UBR4: variants seen among roughly 807,000 people sequenced by gnomAD.
UBR4 encodes E3 ubiquitin-protein ligase UBR4.
UBR4 carries 124 observed loss-of-function variants against 575.6 expected under a neutral mutation model. The observed-to-expected ratio is 0.22, with a 90% CI of 0.19 to 0.25. UBR4 has a LOEUF of 0.25. UBR4 is among the 10% of genes least tolerant of loss of function. The pLI is 1.00. For missense variants in UBR4, 4,818 were observed against 6,478.8 expected (o/e 0.74, Z 8.80); for synonymous variants, 2,455 against 2,473.7 (o/e 0.99, Z 0.22).
chr1:19,154,898 C>T lies in UBR4; in HGVS notation c.6458+20G>A. The T allele has an allele frequency of 1.2e-6, 2 of 1,613,974 alleles. No homozygotes were observed. The highest frequency in any genetic ancestry group is 1.7e-6 in the Non-Finnish European group (2 of 1,179,874). Reference sequence around the variant, plus strand: ...GAATGTGGACATTGCGGAAGTTGAACATTAAATGTTCATTCCCACCTTTTG... The same window carrying T: ...GAATGTGGACATTGCGGAAGTTGAATATTAAATGTTCATTCCCACCTTTTG... On this transcript the variant is annotated intron_variant, in intron 44 of 105. Transcript: ENST00000375254.
At chr1:19,077,302 G>A (rs961631903) in intron 104 of UBR4, among the ~76,000 whole-genome samples, 2 of 152,236 alleles carry the variant, frequency 1.3e-5, no homozygotes, top group African/African-American at 4.8e-5. Context: ...GCTGGCTGCG[G>A]TAAGTCAGAC....
At chr1:19,120,990 G>C (rs1345864685) in intron 68 of UBR4, among the ~76,000 whole-genome samples, 199 bp downstream of exon 68, 1 of 152,170 alleles carries the variant, frequency 6.6e-6, no homozygotes, top group Non-Finnish European at 1.5e-5. Flanking sequence ...ACTGTCACTT[G>C]GTATGAGAAG....
intron 65 of UBR4, among the ~76,000 whole-genome samples, 158 bp from the exon 66 acceptor site, chr1:19,123,218 G>A (rs939265705): frequency 4.6e-5 from 7 of 152,088 alleles, no homozygotes; most frequent in Admixed American, 1.3e-4. Flanking sequence ...TTGGAATGCC[G>A]AGGTGGGCTG....
At chr1:19,118,263 T>A (rs897869554) in intron 71 of UBR4, 3 of 181,500 alleles carry the variant, frequency 1.7e-5, no homozygotes, top group East Asian at 1.5e-4. Context: ...AAAGTTTTTT[T>A]AAATTTTTTT....
chr1:19,085,137 A>G (rs979584063), intron 101 of UBR4, among the ~76,000 whole-genome samples: 9 of 152,252 alleles, frequency 5.9e-5, no homozygotes, highest in Non-Finnish European at 2.9e-5. Context: ...GTCAATACAC[A>G]TTCCCATCTA....
Position 19,184,188 on chromosome 1 carries a change from C to A in UBR4, c.1939-13G>T, listed in dbSNP as rs1302426529. 2.5e-6 allele frequency: 4 copies of A among 1,610,546 alleles called. No individual in the cohort carries two copies. The highest frequency in any genetic ancestry group is 3.4e-5 in the Admixed American group (2 of 59,084). ...CCAGACCTAAGAACTGAAAGGAACA[C>A]ACACAAAAAAGCTCTTATCAGGGTC... On this transcript the variant is annotated splice_polypyrimidine_tract_variant and intron_variant, in intron 15 of 105. Transcript: ENST00000375254.
Position 19,176,708 on chromosome 1 carries a change from C to T in UBR4, c.2657G>A (p.Ser886Asn). ...LFEQVQHNLL[S>N]PPFGWASGSQ... ...TCCACTTGCCCACCCAAAGGGAGGA[C>T]TTAGCAGGTTATGCTGTACCTTTTA... is the stretch of plus-strand genomic sequence containing the variant. Residue 886 changes from serine (S) to asparagine (N), a missense_variant, in exon 20 of 106, where the codon AGT becomes AAT. By Grantham distance (46) the Ser-to-Asn change is conservative. Around this residue, in one of 29 missense-constraint regions of UBR4, gnomAD observed 1,172 missense variants for 1,259.7 expected, o/e 0.93. Coordinates refer to ENST00000375254, the MANE Select transcript of UBR4 (RefSeq NM_020765.3). The T allele has an allele frequency of 6.2e-7, 1 of 1,614,078 alleles. No individual in the cohort carries two copies. The highest frequency in any genetic ancestry group is 8.5e-7 in the Non-Finnish European group (1 of 1,180,000).
intron 77 of UBR4, 75 bp from the exon 78 acceptor site, chr1:19,112,942 T>C: frequency 6.8e-7 from 1 of 1,477,034 alleles, no homozygotes; most frequent in South Asian, 1.4e-5. Context: ...AAAATTAGTT[T>C]TGCTTTAGAA....
chr1:19,118,036 T>C (rs910434254), intron 71 of UBR4, 126 bp from the exon 72 acceptor site: 15 of 787,280 alleles, frequency 1.9e-5, no homozygotes, highest in Non-Finnish European at 2.5e-5. Flanking sequence ...AGCCCCACCC[T>C]AGTGAGAACT....
At chr1:19,207,971 G>C (rs1422136550) in intron 1 of UBR4, among the ~76,000 whole-genome samples, 1 of 152,258 alleles carries the variant, frequency 6.6e-6, no homozygotes, top group Middle Eastern at 3.4e-3. Context: ...TCTACTATCT[G>C]GCCATTTACA....
chr1:19,121,156 T>C (rs1458216381), intron 68 of UBR4, 33 bp downstream of exon 68: 9 of 1,607,326 alleles, frequency 5.6e-6, no homozygotes, highest in South Asian at 2.2e-5. Context: ...ACATACATCA[T>C]TGTAGTCACA....
At position 19,082,640 on chromosome 1, in the gene UBR4, G is replaced by A. The variant is rs77213104; in HGVS notation, c.15009-1067C>T. Reference sequence around the variant, plus strand: ...TGGGGACAAACACAACACTAGAACCGGGAAAAAAAAGTTACCAGGTCTATA... The same window carrying A: ...TGGGGACAAACACAACACTAGAACCAGGAAAAAAAAGTTACCAGGTCTATA... On this transcript the variant is annotated intron_variant, in intron 102 of 105. Transcript: ENST00000375254. 2.5e-4 allele frequency among the ~76,000 whole-genome samples: 38 copies of A among 152,170 alleles called. No individual in the cohort carries two copies. The East Asian group carries it at 4.8e-3, about 19-fold the overall frequency.
chr1:19,198,455 A>T lies in UBR4; in HGVS notation c.648+86T>A, dbSNP rs1235824202. 4 of 1,493,038 alleles carry T rather than the reference A, an allele frequency of 2.7e-6. No individual in the cohort carries two copies. The African/African-American group carries it at 5.6e-5, about 21-fold the overall frequency. The allele number at this position is 1,493,038 out of a possible 1,614,324, so 92.5% of individuals were successfully genotyped here. On this transcript the variant is annotated intron_variant, in intron 5 of 105. Transcript: ENST00000375254. ...ACATGTATATCATTTTATATCACAA[A>T]CATAAAATACATCACTTTTTCTCCC...
chr1:19,092,568 G>C (rs755051737), intron 97 of UBR4, among the ~76,000 whole-genome samples: 9 of 152,312 alleles, frequency 5.9e-5, no homozygotes, highest in East Asian at 1.9e-4. Context: ...TCTCTGGTCA[G>C]CCAATCCCTC....
intron 38 of UBR4, 42 bp downstream of exon 38, chr1:19,160,875 C>G: frequency 1.3e-6 from 2 of 1,596,514 alleles, no homozygotes; most frequent in Non-Finnish European, 1.7e-6. Flanking sequence ...TCAACAGGCT[C>G]TGAACTCTGT....
chr1:19,099,762 G>A lies in UBR4; in HGVS notation c.13222-85C>T, dbSNP rs1463051887. The A allele has an allele frequency of 2.5e-6, 3 of 1,189,320 alleles. No homozygotes were observed. The Admixed American group carries it at 6.5e-5, about 26-fold the overall frequency. 73.7% of individuals were successfully genotyped at this position (1,189,320 alleles called of 1,614,324 possible). A position where few individuals can be genotyped will look rare whatever the true frequency, so the allele number is the denominator to read the frequency against. Reference sequence around the variant, plus strand: ...AGAGCAAAGGGCACCTTACGGCAATGGTTGATAATTCACAATTTTTATATG... The same window carrying A: ...AGAGCAAAGGGCACCTTACGGCAATAGTTGATAATTCACAATTTTTATATG... On this transcript the variant is annotated intron_variant, in intron 89 of 105. Coordinates refer to ENST00000375254, the MANE Select transcript of UBR4 (RefSeq NM_020765.3).
In UBR4 at chr1:19,106,637, G is replaced by A. The variant is rs1230763728; in HGVS notation, c.12325C>T (p.Leu4109=). The change falls in exon 83 of 106, where the codon CTG becomes TTG. Residue 4109 remains leucine (L), a synonymous_variant. Transcript: ENST00000375254. ...EKYVWRWKQF[L]SRRGKRTSPL... Reference sequence around the variant, plus strand: ...GAGGTCCTCTTCCCCCGACGACTCAGGAACTGTTTCCACCTCCACACATAC... The same window carrying A: ...GAGGTCCTCTTCCCCCGACGACTCAAGAACTGTTTCCACCTCCACACATAC... 5 of 1,609,012 alleles carry A rather than the reference G, an allele frequency of 3.1e-6. No individual in the cohort carries two copies. Among genetic ancestry groups the A allele is most frequent in the Non-Finnish European group, 4.2e-6 (5 of 1,177,770 alleles).
intron 60 of UBR4, among the ~76,000 whole-genome samples, chr1:19,134,156 A>G (rs1304657089): frequency 1.3e-5 from 2 of 151,364 alleles, no homozygotes; most frequent in East Asian, 1.9e-4. Context: ...CTAGCTACTC[A>G]GGCAGGAGGA....
chr1:19,114,115 T>TC, intron 75 of UBR4, 45 bp from the exon 76 acceptor site: 1 of 1,591,410 alleles, frequency 6.3e-7, no homozygotes, highest in Non-Finnish European at 8.6e-7. Context: ...TTTTGGCTGA[T>TC]GACTTTCCCT....
Sources: allele counts gnomAD v4.1 joint callset (sites outside exome capture counted in the v4.1 genomes callset), GRCh38; gene constraint gnomAD v4.1.1; regional missense constraint gnomAD v4.1.1; transcripts MANE v1.5; gene names NCBI Gene and HGNC (gene_info 2026-07-23, HGNC 2026-07-21).